MNS1: variants seen among roughly 807,000 people sequenced by gnomAD.
MNS1 encodes meiosis-specific nuclear structural protein 1.
In MNS1, 63 loss-of-function variants were observed where a neutral mutation model predicts 72.0. The ratio of observed to expected loss-of-function variants is 0.87; its 90% CI spans 0.71 to 1.08. The LOEUF is 1.08. Among genes scored for constraint, MNS1 ranks in the 50% least tolerant of loss-of-function variants. MNS1 has a pLI of 0.00. For synonymous variants in MNS1, 188 were observed against 172.1 expected (o/e 1.09, Z -0.72); for missense variants, 604 against 562.4 (o/e 1.07, Z -0.75).
intron 4 of MNS1, 101 bp downstream of exon 4, chr15:56,446,740 C>G: frequency 1.3e-6 from 1 of 753,502 alleles, no homozygotes; most frequent in Non-Finnish European, 2.1e-6. Flanking sequence ...AGAAATCTAG[C>G]AGTGTAAATT....
chr15:56,458,703 A>G (rs1229837860), intron 2 of MNS1, among the ~76,000 whole-genome samples: 1 of 152,178 alleles, frequency 6.6e-6, no homozygotes, highest in African/African-American at 2.4e-5. Context: ...GGAATTATAC[A>G]GAATGGAGCC....
At chr15:56,435,936 T>A (rs2050716859) in intron 7 of MNS1, among the ~76,000 whole-genome samples, 1 of 152,042 alleles carries the variant, frequency 6.6e-6, no homozygotes, top group African/African-American at 2.4e-5. Flanking sequence ...TTAAAAGAAT[T>A]ATTCACCATG....
intron 2 of MNS1, among the ~76,000 whole-genome samples, chr15:56,460,144 T>C (rs1468618618): frequency 3.3e-5 from 5 of 150,078 alleles, no homozygotes; most frequent in Non-Finnish European, 7.4e-5. Context: ...GTTTCACTTA[T>C]ATAGGCAGAG....
At chr15:56,448,531 C>T (rs1477251438) in intron 3 of MNS1, among the ~76,000 whole-genome samples, 1 of 152,150 alleles carries the variant, frequency 6.6e-6, no homozygotes, top group African/African-American at 2.4e-5. Context: ...ATAACGGCCT[C>T]CAGCTCCATC....
chr15:56,434,119 C>A lies in MNS1; in HGVS notation c.1269+19G>T, dbSNP rs8038951. ...TGTTTAATGATAATGACCAAAAAAA[C>A]CCCACAACTTTTTCTTACTTTGTCT... On this transcript the variant is annotated intron_variant, in intron 8 of 9. Transcript: ENST00000260453. The A allele has an allele frequency of 8.8e-4, 1,413 of 1,602,946 alleles. 13 individuals carry two copies. The African/African-American group carries it at 0.014, about 16-fold the overall frequency.
intron 2 of MNS1, among the ~76,000 whole-genome samples, chr15:56,462,060 G>A (rs1189823653): frequency 2.8e-5 from 4 of 145,038 alleles, no homozygotes; most frequent in South Asian, 4.4e-4. Context: ...GCTGGAGTGC[G>A]GTGGCAAGAT....
chr15:56,430,236 T>A (rs72742652), intron 9 of MNS1: 10,617 of 152,348 alleles, frequency 0.07, 464 homozygotes, highest in Non-Finnish European at 0.1. Flanking sequence ...AGACGGGGTC[T>A]CACTCTGTTG....
chr15:56,439,684 G>C (rs2050785782), intron 7 of MNS1, among the ~76,000 whole-genome samples: 1 of 151,014 alleles, frequency 6.6e-6, no homozygotes, highest in Non-Finnish European at 1.5e-5. Flanking sequence ...CTGTATTTAA[G>C]TCTCATCGTT....
intron 2 of MNS1, among the ~76,000 whole-genome samples, chr15:56,459,921 C>G (rs1338105058): frequency 1.4e-5 from 2 of 140,098 alleles, no homozygotes; most frequent in Non-Finnish European, 3.0e-5. Flanking sequence ...ACCCGGGAGG[C>G]AGAGGTTGTG....
At chr15:56,464,551 C>T (rs563948002) in intron 1 of MNS1, among the ~76,000 whole-genome samples, 83 of 149,672 alleles carry the variant, frequency 5.5e-4, no homozygotes, top group African/African-American at 1.9e-3. Flanking sequence ...TTTACTACCA[C>T]CAGGGAATTT....
At chr15:56,440,933 A>T (rs1361685245) in intron 7 of MNS1, among the ~76,000 whole-genome samples, 2 of 152,146 alleles carry the variant, frequency 1.3e-5, no homozygotes, top group African/African-American at 2.4e-5. Flanking sequence ...ACTATTGTGA[A>T]TAATGCTGCA....
rs1208436250 is a variant in MNS1 at position 56,444,597 on chromosome 15, T to C, written c.533A>G (p.Asp178Gly). 3 of 1,613,320 alleles carry C rather than the reference T, an allele frequency of 1.9e-6. No homozygotes were observed. In the African/African-American group the frequency reaches 4.0e-5, roughly 22 times the overall value. ...RIIKEENAAE[D>G]KRNKAKAQYY... ...CTGTGCTTTCGCTTTGTTTCGTTTG[T>C]CTTCTGCAGCATTCTCTTCCTTTAT... The change falls in exon 5 of 10, where the codon GAC (aspartate) becomes GGC (glycine). Residue 178 changes from aspartate (D) to glycine (G), a missense_variant. Coordinates refer to ENST00000260453, the MANE Select transcript of MNS1 (RefSeq NM_018365.4).
chr15:56,457,549 G>A (rs1244461621), intron 2 of MNS1, among the ~76,000 whole-genome samples: 2 of 152,110 alleles, frequency 1.3e-5, no homozygotes, highest in Non-Finnish European at 2.9e-5. Context: ...GCAGCTGAGC[G>A]CTGTGGCTTA....
intron 7 of MNS1, among the ~76,000 whole-genome samples, chr15:56,440,136 C>T (rs1308525572): frequency 1.3e-5 from 2 of 152,124 alleles, no homozygotes; most frequent in African/African-American, 4.8e-5. Flanking sequence ...GAGGATCTTA[C>T]ACCAAAGAGG....
chr15:56,446,888 T>C lies in MNS1; in HGVS notation c.409A>G (p.Arg137Gly). ...KLKAAYMNKE[R>G]AAQIAEKDAI... Reference sequence around the variant, plus strand: ...TCCTTTTCAGCAATCTGAGCTGCCCTTTCTTTATTCATGTAAGCTGCTTTT... The same window carrying C: ...TCCTTTTCAGCAATCTGAGCTGCCCCTTCTTTATTCATGTAAGCTGCTTTT... The change falls in exon 4 of 10, where the codon AGG (arginine) becomes GGG (glycine). Residue 137 changes from arginine to glycine, a missense_variant. Physicochemically the swap from Arg to Gly is moderately radical, Grantham distance 125. Coordinates refer to ENST00000260453, the MANE Select transcript of MNS1 (RefSeq NM_018365.4). 1 of 1,610,806 alleles carries C rather than the reference T, an allele frequency of 6.2e-7. No individual in the cohort carries two copies. Among genetic ancestry groups the C allele is most frequent in the Non-Finnish European group, 8.5e-7 (1 of 1,179,170 alleles).
At chr15:56,463,084 AACT>A (rs1381818374) in intron 2 of MNS1, among the ~76,000 whole-genome samples, 4 of 152,166 alleles carry the variant, frequency 2.6e-5, no homozygotes, top group African/African-American at 9.7e-5. Flanking sequence ...GCTACTCAAA[AACT>A]ACTGACATAT....
chr15:56,447,259 C>T, intron 3 of MNS1: 1 of 181,818 alleles, frequency 5.5e-6, no homozygotes, highest in African/African-American at 2.3e-5. Flanking sequence ...CAATTTTGGT[C>T]ATCTTCTTAG....
intron 2 of MNS1, among the ~76,000 whole-genome samples, chr15:56,459,021 T>C (rs1207260417): frequency 1.3e-5 from 2 of 152,362 alleles, no homozygotes; most frequent in African/African-American, 4.8e-5. Context: ...CATCTGTGTG[T>C]ACATTTGTGT....
chr15:56,446,998 C>G (rs2050910039), intron 3 of MNS1, 55 bp from the exon 4 acceptor site: 1 of 1,257,248 alleles, frequency 8.0e-7, no homozygotes, highest in Admixed American at 1.9e-5. Flanking sequence ...AGAATGAAAA[C>G]CTCACAGAAA....
Sources: allele counts gnomAD v4.1 joint callset (sites outside exome capture counted in the v4.1 genomes callset), GRCh38; gene constraint gnomAD v4.1.1; transcripts MANE v1.5; gene names NCBI Gene and HGNC (gene_info 2026-07-23, HGNC 2026-07-21).